The following BRDT variants were observed in gnomAD, a reference collection of about 807,000 sequenced individuals.
BRDT encodes bromodomain testis-specific protein.
In BRDT, 77 loss-of-function variants were observed where a neutral mutation model predicts 113.9. That is an observed-to-expected ratio of 0.68 (90% confidence interval 0.56 to 0.82). The LOEUF (loss-of-function observed/expected upper bound fraction) is 0.82, where lower values mean the gene tolerates loss of function less well. Among genes scored for constraint, BRDT ranks in the 40% least tolerant of loss-of-function variants. BRDT has a pLI of 0.00. For missense variants in BRDT, 1,027 were observed against 1,105.4 expected (o/e 0.93, Z 1.01); for synonymous variants, 358 against 366.5 (o/e 0.98, Z 0.26).
chr1:91,988,391 T>TTTTA (rs1281960585), intron 12 of BRDT, among the ~76,000 whole-genome samples: 98 of 152,052 alleles, frequency 6.4e-4, no homozygotes, highest in African/African-American at 2.2e-3. Context: ...TCGATTTTAT[T>TTTTA]TTTATTTATT....
chr1:92,008,420 A>G (rs1687520796), intron 18 of BRDT, among the ~76,000 whole-genome samples: 2 of 152,086 alleles, frequency 1.3e-5, no homozygotes, highest in South Asian at 2.1e-4. Flanking sequence ...TAGCAAAACC[A>G]AGCTGAAAAT....
chr1:92,013,217 C>CAA (rs11396195), intron 18 of BRDT, among the ~76,000 whole-genome samples: 3,552 of 133,834 alleles, frequency 0.027, 52 homozygotes, highest in Middle Eastern at 0.049. Context: ...CACAATGTTT[C>CAA]AAAAAAAAAA....
Position 91,991,991 on chromosome 1 carries a change from C to CA in BRDT, c.2065-246dup, listed in dbSNP as rs764759925. Among the ~76,000 whole-genome samples the CA allele has an allele frequency of 2.4e-3, 162 of 67,736 alleles. 12 individuals are homozygous for CA. The highest frequency in any genetic ancestry group is 4.0e-3 in the African/African-American group (68 of 17,170). 44.4% of individuals were successfully genotyped at this position (67,736 alleles called of 152,430 possible). On this transcript the variant is annotated intron_variant, in intron 13 of 18. Coordinates refer to ENST00000399546, the MANE Select transcript of BRDT (RefSeq NM_207189.4). ...TGGGCGACAGAGCAAGACTCTGTCT[C>CA]AAAAAAAAAAAAAAAAAAAAAAAAA...
At chr1:92,003,989 G>C (rs1215104675) in intron 16 of BRDT, among the ~76,000 whole-genome samples, 3 of 151,926 alleles carry the variant, frequency 2.0e-5, no homozygotes, top group Non-Finnish European at 4.4e-5. Context: ...CCATGTCAGA[G>C]GACTCTCAAC....
At chr1:91,999,120 T>C (rs1219404098) in intron 15 of BRDT, among the ~76,000 whole-genome samples, 2 of 151,842 alleles carry the variant, frequency 1.3e-5, no homozygotes, top group Non-Finnish European at 2.9e-5. Context: ...GTTGCAGTAG[T>C]AGGGAAAAAA....
chr1:91,962,013 A>C (rs1027462847), intron 1 of BRDT, among the ~76,000 whole-genome samples: 8 of 151,006 alleles, frequency 5.3e-5, no homozygotes, highest in South Asian at 2.1e-4. Flanking sequence ...GGCGTAGTGG[A>C]GGGCGCCTGT....
Position 91,981,394 on chromosome 1 carries a change from TTTTG to T in BRDT, c.1864+23_1864+26del, listed in dbSNP as rs769045596. The T allele has an allele frequency of 1.5e-5, 23 of 1,507,722 alleles. No homozygotes were observed. The highest frequency in any genetic ancestry group is 1.9e-5 in the Non-Finnish European group (21 of 1,087,436). The allele number at this position is 1,507,722 out of a possible 1,614,324, so 93.4% of individuals were successfully genotyped here. A position where few individuals can be genotyped will look rare whatever the true frequency, so the allele number is the denominator to read the frequency against. Reference sequence around the variant, plus strand: ...CGTCAAACAAAATGTAGGTGGCAGTTTTTGTTTGTTTGTATGTATGTATGTATGT... The same window carrying T: ...CGTCAAACAAAATGTAGGTGGCAGTTTTTGTTTGTATGTATGTATGTATGT... On this transcript the variant is annotated intron_variant, in intron 11 of 18. Coordinates refer to ENST00000399546, the MANE Select transcript of BRDT (RefSeq NM_207189.4).
intron 17 of BRDT, 124 bp downstream of exon 17, chr1:92,004,743 AT>A: frequency 1.2e-6 from 1 of 843,304 alleles, no homozygotes; most frequent in Non-Finnish European, 1.7e-6. Flanking sequence ...GCAAATTGTA[AT>A]TGCAAAAAGT....
chr1:91,961,324 A>G (rs1682419462), intron 1 of BRDT, among the ~76,000 whole-genome samples: 1 of 151,336 alleles, frequency 6.6e-6, no homozygotes, highest in Non-Finnish European at 1.5e-5. Context: ...AAATAAAAAC[A>G]GAAAAATAAA....
intron 10 of BRDT, 42 bp downstream of exon 10, chr1:91,981,220 A>T (rs756963606): frequency 1.3e-5 from 21 of 1,608,836 alleles, no homozygotes; most frequent in African/African-American, 2.7e-5. Flanking sequence ...TTTGGTATTT[A>T]TGTTGGTTTT....
At chr1:91,969,296 C>A (rs773755495) in intron 4 of BRDT, among the ~76,000 whole-genome samples, 16 of 151,266 alleles carry the variant, frequency 1.1e-4, no homozygotes, top group Non-Finnish European at 1.8e-4. Flanking sequence ...AGTTAAGTGC[C>A]TGAGATATAG....
intron 18 of BRDT, among the ~76,000 whole-genome samples, chr1:92,013,861 G>T (rs1051503541): frequency 7.2e-5 from 11 of 152,306 alleles, no homozygotes; most frequent in Middle Eastern, 3.4e-3. Flanking sequence ...GGGTTTAGAA[G>T]TAAGACAGTG....
intron 1 of BRDT, chr1:91,957,713 T>TC (rs1681943275): frequency 6.6e-6 from 1 of 152,200 alleles, no homozygotes; most frequent in Admixed American, 6.6e-5. Flanking sequence ...GATCTACCGT[T>TC]ATACTATCAT....
chr1:91,982,774 T>C (rs1247994994), intron 12 of BRDT, among the ~76,000 whole-genome samples: 3 of 152,158 alleles, frequency 2.0e-5, no homozygotes, highest in Admixed American at 6.5e-5. Flanking sequence ...ATAAACATTT[T>C]TGGAGAATAA....
At position 91,977,379 on chromosome 1, in the gene BRDT, C is replaced by A; in HGVS notation, c.955C>A (p.Leu319Ile). ...YYDVVKNPMD[L>I]GTIKEKMDNQ... The stretch of plus-strand genomic sequence containing the variant: ...TGACGTTGTCAAAAATCCGATGGAT[C>A]TTGGAACTATTAAGGTAAATGTTGC... The change falls in exon 6 of 19, where the codon CTT (leucine) becomes ATT (isoleucine). Residue 319 changes from leucine (L) to isoleucine (I), a missense_variant. Transcript: ENST00000399546. 1 of 1,581,980 alleles carries A rather than the reference C, an allele frequency of 6.3e-7. No individual in the cohort carries two copies. The highest frequency in any genetic ancestry group is 8.6e-7 in the Non-Finnish European group (1 of 1,165,690).
Position 91,968,138 on chromosome 1 carries a change from T to A in BRDT, c.331-8T>A, listed in dbSNP as rs1683256206. On this transcript the variant is annotated splice_polypyrimidine_tract_variant and splice_region_variant and intron_variant, in intron 3 of 18. Transcript: ENST00000399546. The stretch of plus-strand genomic sequence containing the variant: ...ATATCCTTATGGTATATTTAATATA[T>A]TTTGTAGCCTGGAGATGACATTGTT... 1 of 1,613,346 alleles carries A rather than the reference T, an allele frequency of 6.2e-7. No individual in the cohort carries two copies. The highest frequency in any genetic ancestry group is 1.3e-5 in the African/African-American group (1 of 74,886).
rs556339630 is a variant in BRDT, at chr1:91,958,058, G to T, written c.-37-4660G>T. On this transcript the variant is annotated intron_variant, in intron 1 of 18. Coordinates refer to ENST00000399546, the MANE Select transcript of BRDT (RefSeq NM_207189.4). ...AAGTCTCACCATGTTGGCCAGGCTG[G>T]TCTCGAGCTCCCGACCTCAAATGAT... Among the ~76,000 whole-genome samples the T allele has an allele frequency of 2.6e-5, 4 of 152,208 alleles. No homozygotes were observed. The East Asian group carries it at 7.7e-4, about 29-fold the overall frequency.
At chr1:91,975,694 G>C (rs1358442334) in intron 4 of BRDT, among the ~76,000 whole-genome samples, 1 of 152,230 alleles carries the variant, frequency 6.6e-6, no homozygotes, top group Admixed American at 6.5e-5. Flanking sequence ...TGCCTTGATG[G>C]AAGGTTGAAC....
intron 12 of BRDT, among the ~76,000 whole-genome samples, chr1:91,989,365 A>T (rs1685565681): frequency 6.6e-6 from 1 of 151,702 alleles, no homozygotes; most frequent in Non-Finnish European, 1.5e-5. Flanking sequence ...CTCCTTTATG[A>T]TTATGATTAT....
Sources: allele counts gnomAD v4.1 joint callset (sites outside exome capture counted in the v4.1 genomes callset), GRCh38; gene constraint gnomAD v4.1.1; transcripts MANE v1.5; gene names NCBI Gene and HGNC (gene_info 2026-07-23, HGNC 2026-07-21).